Variants in FAM149B1 observed in about 807,000 individuals in gnomAD.
FAM149B1 encodes family with sequence similarity 149 member B1.
Under a neutral mutation model 75.3 loss-of-function variants are expected in FAM149B1, and 56 were observed. That is an observed-to-expected ratio of 0.74 (90% CI 0.60 to 0.93). FAM149B1 has a LOEUF of 0.93. FAM149B1 is among the 40% of genes least tolerant of loss of function. The pLI is 0.00. For missense variants in FAM149B1, 639 were observed against 708.4 expected (o/e 0.90, Z 1.11); for synonymous variants, 259 against 256.1 (o/e 1.01, Z -0.11).
chr10:73,186,251 C>T (rs2042519056), intron 3 of FAM149B1, among the ~76,000 whole-genome samples: 1 of 151,950 alleles, frequency 6.6e-6, no homozygotes, highest in African/African-American at 2.4e-5. Context: ...TTAACAGTAA[C>T]ATAGAAAAAA....
chr10:73,178,495 A>C (rs1317354446), intron 3 of FAM149B1, among the ~76,000 whole-genome samples: 2 of 152,094 alleles, frequency 1.3e-5, no homozygotes, highest in Admixed American at 6.5e-5. Flanking sequence ...GTCTCAAAAA[A>C]AAAAAAACAA....
intron 1 of FAM149B1, among the ~76,000 whole-genome samples, chr10:73,169,306 C>A (rs1191715715): frequency 6.6e-6 from 1 of 151,822 alleles, no homozygotes; most frequent in Admixed American, 6.6e-5. Flanking sequence ...GTCTGGGTGA[C>A]AAGAGTGAAA....
chr10:73,216,966 C>T (rs1638708817), intron 7 of FAM149B1, among the ~76,000 whole-genome samples: 1 of 152,202 alleles, frequency 6.6e-6, no homozygotes, highest in Non-Finnish European at 1.5e-5. Flanking sequence ...CCTTGCCTAT[C>T]TCTGCATCTC....
intron 7 of FAM149B1, among the ~76,000 whole-genome samples, chr10:73,220,728 C>T (rs957193805): frequency 2.0e-5 from 3 of 152,056 alleles, no homozygotes; most frequent in Non-Finnish European, 2.9e-5. Context: ...GAAGGGACAG[C>T]GGAGATCTCT....
At chr10:73,215,463 T>G (rs1471467853) in intron 7 of FAM149B1, among the ~76,000 whole-genome samples, 1 of 152,164 alleles carries the variant, frequency 6.6e-6, no homozygotes, top group Admixed American at 6.6e-5. Context: ...CTCAAGCGAT[T>G]CTCCTGCCTT....
At chr10:73,192,010 G>A (rs531662490) in intron 3 of FAM149B1, among the ~76,000 whole-genome samples, 1 of 151,584 alleles carries the variant, frequency 6.6e-6, no homozygotes, top group African/African-American at 2.4e-5. Context: ...AGCAATTCTT[G>A]TGCCTTAGCC....
intron 7 of FAM149B1, among the ~76,000 whole-genome samples, chr10:73,226,469 C>G (rs569824166): frequency 1.3e-5 from 2 of 152,102 alleles, no homozygotes; most frequent in Non-Finnish European, 2.9e-5. Flanking sequence ...TGCACCACCA[C>G]GTTCCAGCCT....
At chr10:73,186,648 C>T (rs2042528261) in intron 3 of FAM149B1, among the ~76,000 whole-genome samples, 1 of 152,150 alleles carries the variant, frequency 6.6e-6, no homozygotes, top group African/African-American at 2.4e-5. Flanking sequence ...TCACAGTATA[C>T]AAGAACAATT....
intron 5 of FAM149B1, chr10:73,200,685 A>C: frequency 2.0e-6 from 1 of 503,150 alleles, no homozygotes; most frequent in Non-Finnish European, 3.8e-6. Flanking sequence ...GAAGTGACCA[A>C]AAAATTCACT....
intron 12 of FAM149B1, among the ~76,000 whole-genome samples, chr10:73,238,301 C>T (rs773402464): frequency 6.6e-6 from 1 of 152,148 alleles, no homozygotes; most frequent in Non-Finnish European, 1.5e-5. Context: ...GAGCCGAGAT[C>T]GTGCCATTGC....
intron 5 of FAM149B1, among the ~76,000 whole-genome samples, chr10:73,194,455 C>T (rs1429753116): frequency 1.3e-5 from 2 of 151,082 alleles, no homozygotes; most frequent in East Asian, 3.9e-4. Context: ...TGCAGTGGCG[C>T]AGTCTTGGCT....
intron 7 of FAM149B1, among the ~76,000 whole-genome samples, chr10:73,227,831 TTC>T (rs747246370): frequency 6.6e-6 from 1 of 152,220 alleles, no homozygotes; most frequent in Non-Finnish European, 1.5e-5. Context: ...AGAGATCTTT[TTC>T]TCTTTCTGCC....
intron 7 of FAM149B1, 29 bp from the exon 8 acceptor site, chr10:73,228,031 T>C (rs751515620): frequency 6.5e-7 from 1 of 1,549,688 alleles, no homozygotes; most frequent in Non-Finnish European, 8.7e-7. Flanking sequence ...AGATTATCCA[T>C]GGATAATATA....
At position 73,212,054 on chromosome 10, in the gene FAM149B1, CTTTCTG is replaced by C. The variant is rs368981507; in HGVS notation, c.898+1623_898+1628del. ...ATAAGTGAGAACATGTGGTATTTGA[CTTTCTG>C]TTTCTGAGTTATTTCGCTAGGATAA... On this transcript the variant is annotated intron_variant, in intron 7 of 13. Transcript: ENST00000242505. Among the ~76,000 whole-genome samples, 393 of 152,270 alleles carry C rather than the reference CTTTCTG, an allele frequency of 2.6e-3. 1 individual carries two copies. Among genetic ancestry groups the C allele is most frequent in the African/African-American group, 9.0e-3 (373 of 41,552 alleles).
chr10:73,187,524 G>A (rs755444711), intron 3 of FAM149B1, among the ~76,000 whole-genome samples: 1 of 151,952 alleles, frequency 6.6e-6, no homozygotes, highest in Non-Finnish European at 1.5e-5. Context: ...GAGGTCTGGA[G>A]TTCGAGACCA....
rs1252321585 is a variant in FAM149B1, at chr10:73,192,556, G to C, written c.283G>C (p.Glu95Gln). ...GSSDFSWGYG[E>Q]LDQNATEKVQ... ...ATTTGGGGGGAATATTTTCTTCTAG[G>C]AACTCGATCAAAATGCCACTGAAAA... is the stretch of plus-strand genomic sequence containing the variant. The change falls in exon 4 of 14, where the codon GAA becomes CAA. Residue 95 changes from glutamate to glutamine, a missense_variant and splice_region_variant. Glu to Gln is a conservative substitution (Grantham distance 29). Transcript: ENST00000242505. The C allele has an allele frequency of 6.5e-6, 10 of 1,549,780 alleles. No homozygotes were observed. Among genetic ancestry groups the C allele is most frequent in the African/African-American group, 5.5e-5 (4 of 73,022 alleles).
Position 73,230,614 on chromosome 10 carries a change from G to C in FAM149B1, c.1127+89G>C, listed in dbSNP as rs1014656454. The C allele has an allele frequency of 3.9e-5, 28 of 717,674 alleles. No homozygotes were observed. In the African/African-American group the frequency reaches 4.7e-4, roughly 12 times the overall value. The allele number at this position is 717,674 out of a possible 1,614,324, so 44.5% of individuals were successfully genotyped here. ...GTTTATCAGTATGCATGTATTGAGT[G>C]CCAACCAAGCAACCACAAAAACTCC... On this transcript the variant is annotated intron_variant, in intron 9 of 13. Transcript: ENST00000242505.
intron 7 of FAM149B1, among the ~76,000 whole-genome samples, chr10:73,227,288 T>C (rs2043574346): frequency 6.6e-6 from 1 of 151,824 alleles, no homozygotes; most frequent in African/African-American, 2.4e-5. Context: ...GCGGTCTCCT[T>C]ATGTTGCCCA....
At chr10:73,222,480 T>A (rs2043441094) in intron 7 of FAM149B1, among the ~76,000 whole-genome samples, 1 of 152,170 alleles carries the variant, frequency 6.6e-6, no homozygotes, top group African/African-American at 2.4e-5. Context: ...GATAGTACAT[T>A]TTGAATGCTC....
Sources: gnomAD v4.1 joint callset for allele counts (sites outside exome capture counted in the v4.1 genomes callset) on GRCh38, gnomAD v4.1.1 for gene constraint, MANE v1.5 for transcripts, NCBI Gene and HGNC (gene_info 2026-07-23, HGNC 2026-07-21) for gene names.